Variants in TTC7B observed in about 807,000 individuals in gnomAD.
TTC7B encodes tetratricopeptide repeat domain 7B, also known as tetratricopeptide repeat protein 7B.
TTC7B carries 28 observed loss-of-function variants against 106.8 expected under a neutral mutation model. The observed-to-expected ratio is 0.26, with a 90% CI of 0.19 to 0.36. The LOEUF (loss-of-function observed/expected upper bound fraction) is 0.36. Ranked by LOEUF, TTC7B falls within the 10% of genes least tolerant of loss-of-function variation. The pLI is 1.00. For synonymous variants in TTC7B, 405 were observed against 430.6 expected, an observed-to-expected ratio of 0.94 and a Z score of 0.74; for missense variants, 862 against 1,076.4, an observed-to-expected ratio of 0.80 and a Z score of 2.79.
intron 6 of TTC7B, among the ~76,000 whole-genome samples, chr14:90,695,075 ATTTT>A (rs1887672896): frequency 8.8e-5 from 4 of 45,456 alleles, no homozygotes; most frequent in African/African-American, 3.4e-4. Flanking sequence ...TATAAAATAT[ATTTT>A]ATTTTATTAT....
In TTC7B at chr14:90,526,360, T is replaced by C. The variant is rs571563683; in HGVS notation, c.*15008A>G. ...TAAACTATTAAGTTTGGGATAATTT[T>C]AGATTCACTGAAAAGTTTCAGAGAT... On this transcript the variant is annotated 3_prime_UTR_variant, in exon 20 of 20. Coordinates refer to ENST00000328459, the MANE Select transcript of TTC7B (RefSeq NM_001010854.2). 5 of 152,378 alleles carry C rather than the reference T, an allele frequency of 3.3e-5. No homozygotes were observed. The East Asian group carries it at 9.6e-4, about 29-fold the overall frequency. 9.4% of individuals were successfully genotyped at this position (152,378 alleles called of 1,614,324 possible).
chr14:90,792,689 C>T (rs1286340), intron 1 of TTC7B, among the ~76,000 whole-genome samples: 12,488 of 152,062 alleles, frequency 0.082, 568 homozygotes, highest in East Asian at 0.16. Context: ...CCTCACGACA[C>T]CCCAGTCTCT....
chr14:90,807,822 T>C lies in TTC7B; in HGVS notation c.121+8353A>G, dbSNP rs1286316. On this transcript the variant is annotated intron_variant, in intron 1 of 19. Coordinates refer to ENST00000328459, the MANE Select transcript of TTC7B (RefSeq NM_001010854.2). This position sits in a 1 kb window ranked among gnomAD's most constrained non-coding sequence, Gnocchi z 4.1. Reference sequence around the variant, plus strand: ...GTTTAGTATTTGGCTCAAAGCATGCTGCATACCTGCAACACTGGGAGCTTA... The same window carrying C: ...GTTTAGTATTTGGCTCAAAGCATGCCGCATACCTGCAACACTGGGAGCTTA... Among the ~76,000 whole-genome samples, 115,247 of 152,084 alleles carry C rather than the reference T, an allele frequency of 0.76. 43,889 individuals carry two copies. Among genetic ancestry groups the C allele is most frequent in the Middle Eastern group, 0.83 (245 of 294 alleles).
intron 5 of TTC7B, among the ~76,000 whole-genome samples, chr14:90,727,518 T>A (rs908213053): frequency 3.9e-5 from 6 of 152,222 alleles, no homozygotes; most frequent in Admixed American, 3.9e-4. Flanking sequence ...AAGCAGCCCT[T>A]GGATCTAACA....
chr14:90,668,134 A>G (rs74081282), intron 9 of TTC7B, among the ~76,000 whole-genome samples: 3,046 of 143,254 alleles, frequency 0.021, 105 homozygotes, highest in African/African-American at 0.074. Flanking sequence ...AAAAAAAAAA[A>G]TTGGTAGACT....
chr14:90,639,482 C>G lies in TTC7B; in HGVS notation c.1751+4566G>C, dbSNP rs1164605648. 3.3e-5 allele frequency among the ~76,000 whole-genome samples: 5 copies of G among 152,218 alleles called. No individual in the cohort carries two copies. The East Asian group carries it at 7.7e-4, about 23-fold the overall frequency. On this transcript the variant is annotated intron_variant, in intron 15 of 19. Coordinates refer to ENST00000328459, the MANE Select transcript of TTC7B (RefSeq NM_001010854.2). Reference sequence around the variant, plus strand: ...ATGAGGGATGCGCAACTTAAACTCACAAGGTGACATCATTAACCAGCAACC... The same window carrying G: ...ATGAGGGATGCGCAACTTAAACTCAGAAGGTGACATCATTAACCAGCAACC...
chr14:90,623,375 C>T (rs1029192027), intron 15 of TTC7B, among the ~76,000 whole-genome samples: 1 of 152,098 alleles, frequency 6.6e-6, no homozygotes, highest in African/African-American at 2.4e-5. Context: ...AAATGTAAAC[C>T]CAAATCCATG....
intron 19 of TTC7B, among the ~76,000 whole-genome samples, chr14:90,546,762 C>A (rs1316040270): frequency 1.3e-5 from 2 of 152,252 alleles, no homozygotes; most frequent in Non-Finnish European, 2.9e-5. Context: ...ACAAAACCCA[C>A]CGAGTGATTG....
intron 3 of TTC7B, among the ~76,000 whole-genome samples, chr14:90,754,868 A>G (rs1328505093): frequency 1.3e-5 from 2 of 152,194 alleles, no homozygotes; most frequent in Non-Finnish European, 2.9e-5. Flanking sequence ...GACTTAGCAT[A>G]ATGTTTTCAA....
intron 5 of TTC7B, among the ~76,000 whole-genome samples, chr14:90,714,614 G>A (rs935299837): frequency 1.3e-5 from 2 of 151,800 alleles, no homozygotes; most frequent in Non-Finnish European, 2.9e-5. Context: ...CTGTCACCAA[G>A]CCTGGCTAAT....
At chr14:90,741,906 G>T (rs1312708445) in intron 4 of TTC7B, among the ~76,000 whole-genome samples, 1 of 152,040 alleles carries the variant, frequency 6.6e-6, no homozygotes, top group Non-Finnish European at 1.5e-5. Context: ...ATCTGGGGAG[G>T]TCCAAACTGG....
At chr14:90,652,632 C>T (rs1284792962) in intron 13 of TTC7B, among the ~76,000 whole-genome samples, 2 of 151,912 alleles carry the variant, frequency 1.3e-5, no homozygotes, top group Non-Finnish European at 2.9e-5. Flanking sequence ...TAAAATGTGC[C>T]CAAATGGATA....
intron 15 of TTC7B, among the ~76,000 whole-genome samples, chr14:90,640,028 C>T (rs1885105202): frequency 6.6e-6 from 1 of 152,198 alleles, no homozygotes; most frequent in African/African-American, 2.4e-5. Flanking sequence ...CCTGTAATCC[C>T]AGCACTTTGG....
At chr14:90,730,601 T>A (rs534057722) in intron 4 of TTC7B, among the ~76,000 whole-genome samples, 3 of 152,318 alleles carry the variant, frequency 2.0e-5, no homozygotes, top group Non-Finnish European at 4.4e-5. Context: ...ACAGGCAGAC[T>A]GCAGCTGCAG....
At chr14:90,708,138 T>G (rs1205270695) in intron 5 of TTC7B, among the ~76,000 whole-genome samples, 1 of 97,882 alleles carries the variant, frequency 1.0e-5, no homozygotes, top group East Asian at 2.9e-4. Context: ...AGTGCGAGAC[T>G]CCATCTCAAA....
intron 1 of TTC7B, among the ~76,000 whole-genome samples, chr14:90,796,044 G>A (rs562676919): frequency 3.0e-4 from 46 of 152,192 alleles, no homozygotes; most frequent in African/African-American, 1.0e-3. Context: ...TTTGAACGCA[G>A]GCAGTCTCCC....
At chr14:90,751,027 T>C (rs1311800292) in intron 3 of TTC7B, among the ~76,000 whole-genome samples, 5 of 152,256 alleles carry the variant, frequency 3.3e-5, no homozygotes, top group Admixed American at 3.3e-4. Flanking sequence ...TGTCAGATGA[T>C]GTACTGTCAA....
intron 13 of TTC7B, among the ~76,000 whole-genome samples, chr14:90,647,809 GCTGGGAAGAGAAAAACAAA>G (rs1885531656): frequency 6.6e-6 from 1 of 152,128 alleles, no homozygotes; most frequent in South Asian, 2.1e-4. Context: ...GTGTTTAACT[GCTGGGAAGAGAAAAACAAA>G]CTTCTACTTT....
At chr14:90,670,333 T>A (rs1011358007) in intron 9 of TTC7B, among the ~76,000 whole-genome samples, 3 of 152,170 alleles carry the variant, frequency 2.0e-5, no homozygotes, top group African/African-American at 7.2e-5. Flanking sequence ...AGATTAGAGT[T>A]TACTAGGGTA....
Sources: allele counts gnomAD v4.1 joint callset (sites outside exome capture counted in the v4.1 genomes callset), GRCh38; gene constraint gnomAD v4.1.1; non-coding constraint Gnocchi (gnomAD v3.1); transcripts MANE v1.5; gene names NCBI Gene and HGNC (gene_info 2026-07-23, HGNC 2026-07-21).